The following IQCN variants were observed in gnomAD, a reference collection of about 807,000 sequenced individuals.
The protein encoded by IQCN is IQ motif containing N, also known as IQ domain-containing protein N.
IQCN carries 46 observed loss-of-function variants against 64.4 expected under a neutral mutation model. The ratio of observed to expected loss-of-function variants is 0.71; its 90% confidence interval spans 0.56 to 0.91. The LOEUF (loss-of-function observed/expected upper bound fraction) is 0.91. IQCN is among the 40% of genes least tolerant of loss of function. The pLI is 0.00. For missense variants in IQCN, 1,753 were observed against 1,857.4 expected, an observed-to-expected ratio of 0.94 and a Z score of 1.03; for synonymous variants, 733 against 775.6, an observed-to-expected ratio of 0.95 and a Z score of 0.91.
At chr19:18,270,638 G>A (rs534912114) in intron 1 of IQCN, among the ~76,000 whole-genome samples, 7 of 151,940 alleles carry the variant, frequency 4.6e-5, no homozygotes, top group African/African-American at 1.2e-4. Context: ...GAGCCTGAGC[G>A]ACAGAATGAG....
At chr19:18,273,130 A>T (rs551072555) in intron 1 of IQCN, among the ~76,000 whole-genome samples, 1 of 150,960 alleles carries the variant, frequency 6.6e-6, no homozygotes, top group South Asian at 2.1e-4. Context: ...TCCCAGGTTC[A>T]AAGTGATTCT....
At position 18,257,442 on chromosome 19, in the gene IQCN, A is replaced by C. The variant is rs915635979; in HGVS notation, c.3842T>G (p.Val1281Gly). The change falls in exon 4 of 4, where the codon GTG becomes GGG. Residue 1281 changes from valine (V) to glycine (G), a missense_variant. Transcript: ENST00000392413. ...MGQGTEGPGA[V>G]SWASAYQLAA... ...CAGCTGGTAGGCGGAGGCCCAAGACACTGCCCCGGGGCCCTCAGTGCCCTG... is the reference window on the plus strand; with the variant it reads ...CAGCTGGTAGGCGGAGGCCCAAGACCCTGCCCCGGGGCCCTCAGTGCCCTG... 2.5e-6 allele frequency: 4 copies of C among 1,609,174 alleles called. No homozygotes were observed. The South Asian group carries it at 4.4e-5, about 18-fold the overall frequency.
chr19:18,257,932 T>C lies in IQCN; in HGVS notation c.3352A>G (p.Ile1118Val). ...CCACGGACGCCCGCCTGGATAGTGA[T>C]CACTGCGAGGATGCGGATCTCCTCT... ...AAEEIRILAVITIQAGVRGYL... is the reference protein window; with the variant it reads ...AAEEIRILAVVTIQAGVRGYL... The change falls in exon 4 of 4, where the codon ATC becomes GTC. Residue 1118 changes from isoleucine (I) to valine (V), a missense_variant. Ile to Val is a conservative substitution (Grantham distance 29). Transcript: ENST00000392413. 6.2e-7 allele frequency: 1 copy of C among 1,612,848 alleles called. No individual in the cohort carries two copies. The highest frequency in any genetic ancestry group is 8.5e-7 in the Non-Finnish European group (1 of 1,179,934).
In IQCN at chr19:18,257,508, C is replaced by G. The variant is rs1274994955; in HGVS notation, c.3776G>C (p.Cys1259Ser). The part of the protein sequence containing the change: ...VGSSPRTCHT[C>S]GRTQPTRVVQ... Reference sequence around the variant, plus strand: ...CACACGGGTGGGCTGTGTGCGTCCACAGGTATGACAGGTGCGAGGGCTGGA... The same window carrying G: ...CACACGGGTGGGCTGTGTGCGTCCAGAGGTATGACAGGTGCGAGGGCTGGA... Residue 1259 changes from cysteine to serine, a missense_variant, in exon 4 of 4, where the codon TGT becomes TCT. By Grantham distance (112) the Cys-to-Ser change is moderately radical. Transcript: ENST00000392413. The G allele has an allele frequency of 1.2e-6, 2 of 1,610,298 alleles. No individual in the cohort carries two copies. Among genetic ancestry groups the G allele is most frequent in the East Asian group, 2.2e-5 (1 of 44,850 alleles).
At position 18,257,502 on chromosome 19, in the gene IQCN, C is replaced by A. The variant is rs772258185; in HGVS notation, c.3782G>T (p.Arg1261Leu). 1.9e-6 allele frequency: 3 copies of A among 1,609,322 alleles called. No individual in the cohort carries two copies. Among genetic ancestry groups the A allele is most frequent in the Non-Finnish European group, 2.5e-6 (3 of 1,178,292 alleles). Residue 1261 changes from arginine to leucine, a missense_variant, in exon 4 of 4, where the codon CGC (arginine) becomes CTC (leucine). Coordinates refer to ENST00000392413, the MANE Select transcript of IQCN (RefSeq NM_001145304.2). Reference sequence around the variant, plus strand: ...CTGCACCACACGGGTGGGCTGTGTGCGTCCACAGGTATGACAGGTGCGAGG... The same window carrying A: ...CTGCACCACACGGGTGGGCTGTGTGAGTCCACAGGTATGACAGGTGCGAGG... ...SSPRTCHTCG[R>L]TQPTRVVQGM...
rs1969494964 is a variant in IQCN, at chr19:18,264,401, C to A, written c.3139G>T (p.Gly1047Trp). Residue 1047 changes from glycine to tryptophan, a missense_variant, in exon 3 of 4, where the codon GGG (glycine) becomes TGG (tryptophan). Transcript: ENST00000392413. This position sits in a 1 kb window ranked among gnomAD's most constrained non-coding sequence, Gnocchi z 4.3. ...ACRRSPSAAWGPSLGPVRPQT... is the reference protein window; with the variant it reads ...ACRRSPSAAWWPSLGPVRPQT... ...GGTCTCACGGGGCCCAGGGAGGGCC[C>A]CCATGCGGCCGATGGACTCCTCCTG... 7 of 1,527,924 alleles carry A rather than the reference C, an allele frequency of 4.6e-6. No homozygotes were observed. Among genetic ancestry groups the A allele is most frequent in the Non-Finnish European group, 5.3e-6 (6 of 1,134,840 alleles). The allele number at this position is 1,527,924 out of a possible 1,614,324, so 94.6% of individuals were successfully genotyped here.
Position 18,266,852 on chromosome 19 carries a change from C to T in IQCN, c.688G>A (p.Ala230Thr), listed in dbSNP as rs753152169. Reference sequence around the variant, plus strand: ...AGGAAGGCCAGCCCCCGGACTCTGGCAGCATGAGGACCCTGCACACAGGGC... The same window carrying T: ...AGGAAGGCCAGCCCCCGGACTCTGGTAGCATGAGGACCCTGCACACAGGGC... ...PEPCVQGPHA[A>T]RVRGLAFLPH... Residue 230 changes from alanine (A) to threonine (T), a missense_variant, in exon 3 of 4, where the codon GCC (alanine) becomes ACC (threonine). Physicochemically the swap from Ala to Thr is moderately conservative, Grantham distance 58. Coordinates refer to ENST00000392413, the MANE Select transcript of IQCN (RefSeq NM_001145304.2). This position sits in a 1 kb window ranked among gnomAD's most constrained non-coding sequence, Gnocchi z 4.3. The T allele has an allele frequency of 6.2e-7, 1 of 1,613,680 alleles. No individual in the cohort carries two copies. Among genetic ancestry groups the T allele is most frequent in the South Asian group, 1.1e-5 (1 of 91,022 alleles).
chr19:18,271,101 G>C (rs1408753534), intron 1 of IQCN, among the ~76,000 whole-genome samples: 3 of 149,294 alleles, frequency 2.0e-5, no homozygotes, highest in African/African-American at 7.5e-5. Flanking sequence ...GAACCCGAGA[G>C]ATGGAGATTG....
intron 3 of IQCN, chr19:18,259,337 T>C (rs1969379951): frequency 3.1e-5 from 1 of 32,776 alleles, no homozygotes; most frequent in East Asian, 8.1e-4. Context: ...GCCCCCATCA[T>C]TGGCACAGAA....
Position 18,257,232 on chromosome 19 carries a change from C to T in IQCN, c.4052G>A (p.Gly1351Glu), listed in dbSNP as rs1969313431. The T allele has an allele frequency of 6.2e-7, 1 of 1,613,676 alleles. No homozygotes were observed. The highest frequency in any genetic ancestry group is 2.2e-5 in the East Asian group (1 of 44,890). The part of the protein sequence containing the change: ...SCLKNTEALL[G>E]PADPSASSRH... ...TGAGCTGGCCGAGGGGTCTGCTGGT[C>T]CCAAGAGCGCCTCTGTGTTCTTCAG... Residue 1351 changes from glycine (G) to glutamate (E), a missense_variant, in exon 4 of 4, where the codon GGA (glycine) becomes GAA (glutamate). Physicochemically the swap from Gly to Glu is moderately conservative, Grantham distance 98 (BLOSUM62 -2). Coordinates refer to ENST00000392413, the MANE Select transcript of IQCN (RefSeq NM_001145304.2).
chr19:18,273,649 G>A (rs946598323), intron 1 of IQCN, among the ~76,000 whole-genome samples: 2 of 152,214 alleles, frequency 1.3e-5, no homozygotes, highest in African/African-American at 4.8e-5. Context: ...TGAATTTTTA[G>A]TAGAGATGGG....
Position 18,257,921 on chromosome 19 carries a change from C to G in IQCN, c.3363G>C (p.Gln1121His), listed in dbSNP as rs373473615. The change falls in exon 4 of 4, where the codon CAG becomes CAC. Residue 1121 changes from glutamine (Q) to histidine (H), a missense_variant. By Grantham distance (24) the Gln-to-His change is conservative (BLOSUM62 0). Transcript: ENST00000392413. The stretch of plus-strand genomic sequence containing the variant: ...GCGCCAGGTAGCCACGGACGCCCGC[C>G]TGGATAGTGATCACTGCGAGGATGC... ...EIRILAVITIQAGVRGYLARR... is the reference protein window; with the variant it reads ...EIRILAVITIHAGVRGYLARR... 1.1e-5 allele frequency: 17 copies of G among 1,612,756 alleles called. No homozygotes were observed. The highest frequency in any genetic ancestry group is 1.4e-5 in the Non-Finnish European group (17 of 1,179,942).
chr19:18,263,745 T>A (rs1969481205), intron 3 of IQCN, among the ~76,000 whole-genome samples: 1 of 152,114 alleles, frequency 6.6e-6, no homozygotes, highest in African/African-American at 2.4e-5. Context: ...CCCTGAGGAC[T>A]GACACCAAGG....
intron 3 of IQCN, chr19:18,258,447 A>G (rs2148091503): frequency 1.8e-6 from 1 of 561,634 alleles, no homozygotes; most frequent in Middle Eastern, 2.7e-4. Flanking sequence ...TTCTGGAACA[A>G]TCCTACCATG....
In IQCN at chr19:18,264,335, C is replaced by T; in HGVS notation, c.3177+28G>A. ...GCAGGTTGGCCCATGGTGAAACAAC[C>T]CCAGATCCCAACCTGGGAATCCCTG... On this transcript the variant is annotated intron_variant, in intron 3 of 3. Transcript: ENST00000392413. The surrounding 1 kb of genome is among the most constrained non-coding windows in gnomAD (Gnocchi z 4.3). 1.4e-6 allele frequency: 2 copies of T among 1,448,334 alleles called. No homozygotes were observed. The highest frequency in any genetic ancestry group is 1.8e-6 in the Non-Finnish European group (2 of 1,102,300). 89.7% of individuals were successfully genotyped at this position (1,448,334 alleles called of 1,614,324 possible). A position where few individuals can be genotyped will look rare whatever the true frequency, so the allele number is the denominator to read the frequency against.
At chr19:18,273,130 A>C (rs551072555) in intron 1 of IQCN, among the ~76,000 whole-genome samples, 1 of 150,838 alleles carries the variant, frequency 6.6e-6, no homozygotes, top group Non-Finnish European at 1.5e-5. Flanking sequence ...TCCCAGGTTC[A>C]AAGTGATTCT....
chr19:18,266,525 G>C lies in IQCN; in HGVS notation c.1015C>G (p.Leu339Val), dbSNP rs1341402831. 2 of 1,611,032 alleles carry C rather than the reference G, an allele frequency of 1.2e-6. No individual in the cohort carries two copies. Among genetic ancestry groups the C allele is most frequent in the Non-Finnish European group, 1.7e-6 (2 of 1,178,274 alleles). The change falls in exon 3 of 4, where the codon CTA (leucine) becomes GTA (valine). Residue 339 changes from leucine to valine, a missense_variant. By Grantham distance (32) the Leu-to-Val change is conservative. Transcript: ENST00000392413. This position sits in a 1 kb window ranked among gnomAD's most constrained non-coding sequence, Gnocchi z 4.3. ...GAGACCACTGGATATGTCTGGAGTA[G>C]AGTCTTGGTGATCATGGGCCCTGGA... ...ICPGPMITKT[L>V]LQTYPVVSVT...
At position 18,265,018 on chromosome 19, in the gene IQCN, T is replaced by C. The variant is rs1250393048; in HGVS notation, c.2522A>G (p.His841Arg). The C allele has an allele frequency of 6.2e-7, 1 of 1,603,226 alleles. No individual in the cohort carries two copies. The highest frequency in any genetic ancestry group is 1.3e-5 in the African/African-American group (1 of 74,916). Reference sequence around the variant, plus strand: ...CCAGGACTCAACGTTGCATGTGGAATGGCCGGTGGGTGCCATCGGCGGCAC... The same window carrying C: ...CCAGGACTCAACGTTGCATGTGGAACGGCCGGTGGGTGCCATCGGCGGCAC... ...MLVPPMAPTG[H>R]STCNVESWGD... The change falls in exon 3 of 4, where the codon CAT (histidine) becomes CGT (arginine). Residue 841 changes from histidine (H) to arginine (R), a missense_variant. Transcript: ENST00000392413. This position sits in a 1 kb window ranked among gnomAD's most constrained non-coding sequence, Gnocchi z 4.7.
chr19:18,271,207 C>T (rs552277148), intron 1 of IQCN, among the ~76,000 whole-genome samples: 4 of 148,286 alleles, frequency 2.7e-5, no homozygotes, highest in East Asian at 2.0e-4. Context: ...CAGTGGCTCA[C>T]GCCTGTAATC....
Sources: gnomAD v4.1 joint callset for allele counts (sites outside exome capture counted in the v4.1 genomes callset) on GRCh38, gnomAD v4.1.1 for gene constraint, Gnocchi (gnomAD v3.1) non-coding constraint, MANE v1.5 for transcripts, NCBI Gene and HGNC (gene_info 2026-07-23, HGNC 2026-07-21) for gene names.